The following MYO3A variants were observed in gnomAD, a reference collection of about 807,000 sequenced individuals.
MYO3A encodes myosin IIIA, also known as myosin-IIIa.
In MYO3A, 180 loss-of-function variants were observed where a neutral mutation model predicts 192.7. The ratio of observed to expected loss-of-function variants is 0.93; its 90% confidence interval spans 0.83 to 1.06. MYO3A has a LOEUF of 1.06. Among genes scored for constraint, MYO3A ranks in the 50% least tolerant of loss-of-function variants. The probability of loss-of-function intolerance (pLI) is 0.00; values close to 1 mark genes in which losing one functional copy is unlikely to be tolerated. For synonymous variants in MYO3A, 628 were observed against 645.3 expected (o/e 0.97, Z 0.41); for missense variants, 1,896 against 1,905.0 (o/e 1.00, Z 0.09).
chr10:26,066,568 C>G (rs931108381), intron 10 of MYO3A, among the ~76,000 whole-genome samples: 9 of 152,086 alleles, frequency 5.9e-5, no homozygotes, highest in African/African-American at 2.2e-4. Flanking sequence ...TTAAATTTTG[C>G]TGAATAGTAA....
At chr10:25,998,635 G>A (rs1377283595) in intron 6 of MYO3A, among the ~76,000 whole-genome samples, 2 of 152,050 alleles carry the variant, frequency 1.3e-5, no homozygotes, top group Non-Finnish European at 2.9e-5. Flanking sequence ...TGTCTACCCT[G>A]TAAGACAGAC....
At chr10:26,144,768 T>TC (rs1414364623) in intron 21 of MYO3A, among the ~76,000 whole-genome samples, 2 of 152,150 alleles carry the variant, frequency 1.3e-5, no homozygotes, top group Non-Finnish European at 1.5e-5. Flanking sequence ...CAAAATGTGG[T>TC]CCCCTGCCCA....
chr10:25,993,364 A>C (rs1299749188), intron 4 of MYO3A, among the ~76,000 whole-genome samples: 5 of 152,100 alleles, frequency 3.3e-5, no homozygotes, highest in African/African-American at 4.8e-5. Flanking sequence ...TATCCCCTTC[A>C]TGATTTTTTA....
At chr10:26,049,254 G>A (rs1036544712) in intron 10 of MYO3A, among the ~76,000 whole-genome samples, 1 of 152,148 alleles carries the variant, frequency 6.6e-6, no homozygotes, top group African/African-American at 2.4e-5. Flanking sequence ...ATGCACCTCA[G>A]TCTAATCATG....
intron 6 of MYO3A, among the ~76,000 whole-genome samples, chr10:26,012,289 G>A (rs7100134): frequency 0.68 from 103,388 of 152,010 alleles, 35,711 homozygotes; most frequent in African/African-American, 0.8. Context: ...ATTGGAAAAG[G>A]GGAAGTCAAA....
At chr10:25,943,057 C>G (rs906926514) in intron 2 of MYO3A, among the ~76,000 whole-genome samples, 1 of 151,720 alleles carries the variant, frequency 6.6e-6, no homozygotes, top group African/African-American at 2.4e-5. Flanking sequence ...ATGTTTTCTT[C>G]TAAGTGTTTT....
intron 32 of MYO3A, among the ~76,000 whole-genome samples, chr10:26,197,155 C>G (rs528015878): frequency 2.0e-5 from 3 of 152,156 alleles, no homozygotes; most frequent in African/African-American, 7.2e-5. Context: ...CCAGGAGACA[C>G]GAGCTCAGTC....
intron 4 of MYO3A, among the ~76,000 whole-genome samples, chr10:25,963,528 T>C (rs1299629387): frequency 6.6e-6 from 1 of 152,202 alleles, no homozygotes; most frequent in Non-Finnish European, 1.5e-5. Context: ...CTTTGCGGAC[T>C]TGTATATTTG....
intron 10 of MYO3A, among the ~76,000 whole-genome samples, chr10:26,039,246 G>A (rs931416389): frequency 2.3e-5 from 3 of 133,026 alleles, no homozygotes; most frequent in Admixed American, 8.1e-5. Context: ...TTTTAGTAGA[G>A]ACAGGGTTTC....
intron 20 of MYO3A, among the ~76,000 whole-genome samples, chr10:26,131,260 G>A (rs1208026251): frequency 6.6e-6 from 1 of 152,180 alleles, no homozygotes; most frequent in African/African-American, 2.4e-5. Context: ...GGACACTCCA[G>A]CAAAGCTGTT....
At chr10:26,124,053 T>A (rs189578129) in intron 18 of MYO3A, among the ~76,000 whole-genome samples, 2 of 151,972 alleles carry the variant, frequency 1.3e-5, no homozygotes, top group Non-Finnish European at 2.9e-5. Context: ...GCCAGGCAGG[T>A]TGTCATGCGC....
chr10:25,950,473 G>T (rs1837141459), intron 2 of MYO3A, among the ~76,000 whole-genome samples: 1 of 152,166 alleles, frequency 6.6e-6, no homozygotes, highest in South Asian at 2.1e-4. Flanking sequence ...CAGTAGGGTT[G>T]CTGGGCAGAG....
intron 6 of MYO3A, among the ~76,000 whole-genome samples, chr10:26,008,422 A>G (rs912962885): frequency 6.7e-6 from 1 of 148,648 alleles, no homozygotes; most frequent in African/African-American, 2.6e-5. Flanking sequence ...ACAGCAAAAG[A>G]AACTACCATC....
intron 15 of MYO3A, among the ~76,000 whole-genome samples, chr10:26,090,391 T>C (rs1481005719): frequency 6.6e-6 from 1 of 152,216 alleles, no homozygotes; most frequent in African/African-American, 2.4e-5. Flanking sequence ...AGAAATAGCA[T>C]AGTCAGGATT....
At chr10:26,202,674 A>G in intron 33 of MYO3A, 1 of 372,224 alleles carries the variant, frequency 2.7e-6, no homozygotes, top group Non-Finnish European at 5.0e-6. Context: ...AAACACTGCA[A>G]TCACTGGCTA....
intron 17 of MYO3A, among the ~76,000 whole-genome samples, chr10:26,118,260 C>T (rs1227196182): frequency 1.3e-5 from 2 of 152,004 alleles, no homozygotes; most frequent in Non-Finnish European, 2.9e-5. Flanking sequence ...TGAATTTTTC[C>T]ACCTGAAAGC....
At chr10:26,113,756 T>C (rs775132144) in intron 17 of MYO3A, among the ~76,000 whole-genome samples, 1 of 152,174 alleles carries the variant, frequency 6.6e-6, no homozygotes, top group Non-Finnish European at 1.5e-5. Context: ...ACACTGCTTA[T>C]TTCTGGCTGT....
intron 15 of MYO3A, 143 bp downstream of exon 15, chr10:26,088,548 C>A: frequency 1.3e-6 from 1 of 787,752 alleles, no homozygotes; most frequent in East Asian, 2.7e-5. Context: ...ATGAAGAGAT[C>A]CATCAGCACT....
At chr10:26,060,284 C>CATAA (rs1165191682) in intron 10 of MYO3A, among the ~76,000 whole-genome samples, 1 of 75,302 alleles carries the variant, frequency 1.3e-5, no homozygotes, top group Non-Finnish European at 3.5e-5. Flanking sequence ...TAAATACATA[C>CATAA]ATAAATAAAT....
Sources: allele counts gnomAD v4.1 joint callset (sites outside exome capture counted in the v4.1 genomes callset), GRCh38; gene constraint gnomAD v4.1.1; transcripts MANE v1.5; gene names NCBI Gene and HGNC (gene_info 2026-07-23, HGNC 2026-07-21).